The following APOL5 variants were observed in gnomAD, a reference collection of about 807,000 sequenced individuals.
APOL5 encodes apolipoprotein L5, also known as apolipoprotein L, 5.
A neutral mutation model predicts 35.5 loss-of-function variants in APOL5; 29 were observed. The ratio of observed to expected loss-of-function variants is 0.82; its 90% confidence interval spans 0.61 to 1.11. The LOEUF is 1.11. Ranked by LOEUF, APOL5 falls within the 50% of genes most tolerant of loss-of-function variation. APOL5 has a pLI of 0.00. For synonymous variants in APOL5, 188 were observed against 200.2 expected (o/e 0.94, Z 0.51); for missense variants, 514 against 530.4 (o/e 0.97, Z 0.30).
upstream of APOL5, among the ~76,000 whole-genome samples, chr22:35,716,199 T>C (rs1168988159): frequency 6.6e-6 from 1 of 152,238 alleles, no homozygotes; most frequent in East Asian, 1.9e-4. Flanking sequence ...ACCAAATGCA[T>C]TACTGTACAA....
Position 35,717,941 on chromosome 22 carries a change from G to C in APOL5, c.55+15G>C, listed in dbSNP as rs1301163730. On this transcript the variant is annotated intron_variant, in intron 1 of 4. Transcript: ENST00000249044. Reference sequence around the variant, plus strand: ...GGTGTTACCTGGTAAGTTCTTTTAAGCTTTCAGAAAACAAGCAATTCTCAC... The same window carrying C: ...GGTGTTACCTGGTAAGTTCTTTTAACCTTTCAGAAAACAAGCAATTCTCAC... The C allele has an allele frequency of 9.0e-6, 14 of 1,548,178 alleles. No individual in the cohort carries two copies. Among genetic ancestry groups the C allele is most frequent in the Non-Finnish European group, 1.1e-5 (13 of 1,149,164 alleles).
intron 3 of APOL5, among the ~76,000 whole-genome samples, chr22:35,728,258 C>G (rs1348248059): frequency 1.3e-5 from 2 of 152,192 alleles, no homozygotes; most frequent in Admixed American, 6.5e-5. Flanking sequence ...GAGTCTCGCT[C>G]TGTTGCCCAG....
intron 2 of APOL5, among the ~76,000 whole-genome samples, chr22:35,723,852 G>A (rs1377549154): frequency 2.6e-5 from 4 of 152,214 alleles, no homozygotes; most frequent in Non-Finnish European, 5.9e-5. Flanking sequence ...GGCTACTCGG[G>A]AGGCTGAGGC....
intron 2 of APOL5, 78 bp downstream of exon 2, chr22:35,720,732 C>A: frequency 9.6e-7 from 1 of 1,040,740 alleles, no homozygotes; most frequent in Non-Finnish European, 1.5e-6. Flanking sequence ...AGACCCAGCA[C>A]TCAATGAGTA....
chr22:35,726,321 T>C lies in APOL5; in HGVS notation c.253T>C (p.Cys85Arg), dbSNP rs1405684822. 2.5e-6 allele frequency: 4 copies of C among 1,614,094 alleles called. No homozygotes were observed. In the South Asian group the frequency reaches 3.3e-5, roughly 13 times the overall value. Residue 85 changes from cysteine (C) to arginine (R), a missense_variant, in exon 3 of 5, where the codon TGT (cysteine) becomes CGT (arginine). By Grantham distance (180) the Cys-to-Arg change is radical. Around this residue, in one of 3 missense-constraint regions of APOL5, gnomAD observed 254 missense variants for 254.7 expected, o/e 1.00. Transcript: ENST00000249044. ...SYFLFEELMRCDKDSMPDGNL... is the reference protein window; with the variant it reads ...SYFLFEELMRRDKDSMPDGNL... ...CTTTCTGTTTGAAGAGCTGATGCGA[T>C]GTGACAAAGATTCCATGCCAGATGG...
chr22:35,728,899 G>C lies in APOL5; in HGVS notation c.*1G>C, dbSNP rs749613751. 2 of 1,597,384 alleles carry C rather than the reference G, an allele frequency of 1.3e-6. No individual in the cohort carries two copies. The highest frequency in any genetic ancestry group is 1.7e-6 in the Non-Finnish European group (2 of 1,172,336). ...GGCCCCGGGAAGACACCGACAATGA[G>C]AAGAGGTAAGTGGGACGCAAGGAAG... On this transcript the variant is annotated 3_prime_UTR_variant, in exon 4 of 5. Transcript: ENST00000249044.
upstream of APOL5, among the ~76,000 whole-genome samples, chr22:35,717,025 C>T (rs1926767597): frequency 1.3e-5 from 2 of 149,332 alleles, no homozygotes; most frequent in African/African-American, 5.0e-5. Flanking sequence ...TGTGTTGTGT[C>T]CGTGGTGGGT....
upstream of APOL5, among the ~76,000 whole-genome samples, chr22:35,717,222 C>CAAAAAAAAAAAAA (rs71322978): frequency 3.0e-5 from 2 of 66,882 alleles, no homozygotes; most frequent in Non-Finnish European, 5.4e-5. Context: ...TCCATCTCTA[C>CAAAAAAAAAAAAA]AAAAAAAAAA....
intron 2 of APOL5, 33 bp from the exon 3 acceptor site, chr22:35,726,178 A>G (rs1927144747): frequency 6.3e-7 from 1 of 1,589,378 alleles, no homozygotes; most frequent in Admixed American, 1.7e-5. Flanking sequence ...TCCTGCACAC[A>G]TTTTAGTGCT....
In APOL5 at chr22:35,726,395, C is replaced by A; in HGVS notation, c.327C>A (p.His109Gln). The A allele has an allele frequency of 6.2e-7, 1 of 1,614,122 alleles. No homozygotes were observed. The highest frequency in any genetic ancestry group is 8.5e-7 in the Non-Finnish European group (1 of 1,180,048). The change falls in exon 3 of 5, where the codon CAC becomes CAA. Residue 109 changes from histidine (H) to glutamine (Q), a missense_variant. By Grantham distance (24) the His-to-Gln change is conservative. Transcript: ENST00000249044. ...TGTTTCTCTCATATTTTCCTTTGCA[C>A]AAGTTTGAGCTAGAACAGAACATCA... ...EKLFLSYFPL[H>Q]KFELEQNIKE...
In APOL5 at chr22:35,726,413, G is replaced by A. The variant is rs1164717521; in HGVS notation, c.345G>A (p.Gln115=). The A allele has an allele frequency of 2.5e-6, 4 of 1,614,008 alleles. No homozygotes were observed. The highest frequency in any genetic ancestry group is 1.7e-5 in the Admixed American group (1 of 59,996). ...YFPLHKFELE[Q]NIKELNTLAD... The stretch of plus-strand genomic sequence containing the variant: ...CTTTGCACAAGTTTGAGCTAGAACA[G>A]AACATCAAAGAACTTAACACCCTTG... The change falls in exon 3 of 5, where the codon CAG becomes CAA. Residue 115 remains glutamine, a synonymous_variant. Transcript: ENST00000249044.
At chr22:35,720,704 C>A in intron 2 of APOL5, 50 bp downstream of exon 2, 1 of 1,318,460 alleles carries the variant, frequency 7.6e-7, no homozygotes, top group Non-Finnish European at 1.1e-6. Context: ...TCCCAGCATC[C>A]AAAACAGTGT....
At chr22:35,712,559 G>T in the APOL5 span, among the ~76,000 whole-genome samples, 1 of 152,120 alleles carries the variant, frequency 6.6e-6, no homozygotes, top group East Asian at 1.9e-4. Flanking sequence ...GATTAGAGGT[G>T]TTGGGCATCT....
At chr22:35,716,986 C>T (rs1181379870), upstream of APOL5, among the ~76,000 whole-genome samples, 2 of 72,288 alleles carry the variant, frequency 2.8e-5, no homozygotes, top group South Asian at 5.6e-4. Flanking sequence ...CATCCATACA[C>T]GTTTGTCTGT....
At chr22:35,725,811 G>GGA (rs902064550) in intron 2 of APOL5, among the ~76,000 whole-genome samples, 3 of 152,182 alleles carry the variant, frequency 2.0e-5, no homozygotes, top group Non-Finnish European at 2.9e-5. Context: ...GTTATCTCGA[G>GGA]GAGCAATTGG....
At chr22:35,714,735 G>A (rs1340383921), upstream of APOL5, among the ~76,000 whole-genome samples, 1 of 152,186 alleles carries the variant, frequency 6.6e-6, no homozygotes, top group Non-Finnish European at 1.5e-5. Flanking sequence ...CAAGATAAAT[G>A]AACTGGGGCC....
upstream of APOL5, among the ~76,000 whole-genome samples, chr22:35,714,024 T>C (rs1489227987): frequency 6.6e-6 from 1 of 152,054 alleles, no homozygotes; most frequent in Non-Finnish European, 1.5e-5. Flanking sequence ...ATACAACATC[T>C]GTGTTGGCCG....
In APOL5 at chr22:35,726,218, C is replaced by G. The variant is rs144511562; in HGVS notation, c.150C>G (p.Leu50=). 2.5e-6 allele frequency: 4 copies of G among 1,609,600 alleles called. No homozygotes were observed. The highest frequency in any genetic ancestry group is 3.4e-6 in the Non-Finnish European group (4 of 1,176,152). The change falls in exon 3 of 5, where the codon CTC becomes CTG. Residue 50 remains leucine (L), a synonymous_variant. Coordinates refer to ENST00000249044, the MANE Select transcript of APOL5 (RefSeq NM_030642.1). ...GKSPEPEFPS[L]VNLCQSWKIN... is the part of the protein sequence containing the mutation. ...TTGCCTAGATGTCTTTAGCCTCACT[C>G]GTGAACCTGTGCCAGAGTTGGAAAA...
the APOL5 span, among the ~76,000 whole-genome samples, chr22:35,708,815 A>T: frequency 6.6e-6 from 1 of 152,228 alleles, no homozygotes; most frequent in Non-Finnish European, 1.5e-5. Context: ...GCCTCAGCTC[A>T]TCTGCCTGAA....
Sources: gnomAD v4.1 joint callset for allele counts (sites outside exome capture counted in the v4.1 genomes callset) on GRCh38, gnomAD v4.1.1 for gene constraint, gnomAD v4.1.1 regional missense constraint, MANE v1.5 for transcripts, NCBI Gene and HGNC (gene_info 2026-07-23, HGNC 2026-07-21) for gene names.